Variants in MAP3K8 observed in about 807,000 individuals in gnomAD.
MAP3K8 encodes Ewing sarcoma transformant.
In MAP3K8, 22 loss-of-function variants were observed where a neutral mutation model predicts 45.8. The observed-to-expected ratio is 0.48, with a 90% CI of 0.34 to 0.69. MAP3K8 has a LOEUF of 0.69. Ranked by LOEUF, MAP3K8 falls within the 30% of genes least tolerant of loss-of-function variation. MAP3K8 has a pLI of 0.01. For missense variants in MAP3K8, 419 were observed against 585.0 expected (o/e 0.72, Z 2.93); for synonymous variants, 223 against 214.3 (o/e 1.04, Z -0.36).
intron 6 of MAP3K8, among the ~76,000 whole-genome samples, chr10:30,453,352 C>T (rs1189716094): frequency 1.3e-5 from 2 of 152,102 alleles, no homozygotes; most frequent in African/African-American, 4.8e-5. Flanking sequence ...AAAGGCCTCT[C>T]TTTGAGCCTA....
chr10:30,457,854 C>T (rs541063448), intron 6 of MAP3K8, among the ~76,000 whole-genome samples: 8 of 152,246 alleles, frequency 5.3e-5, no homozygotes, highest in South Asian at 2.1e-4. Flanking sequence ...TTTTGAACTC[C>T]TGATCCGCCC....
rs1836112405 is a variant in MAP3K8 at position 30,441,611 on chromosome 10, T to C, written c.336+2337T>C. Among the ~76,000 whole-genome samples, 3 of 152,142 alleles carry C rather than the reference T, an allele frequency of 2.0e-5. No homozygotes were observed. The South Asian group carries it at 6.2e-4, about 32-fold the overall frequency. ...ATAAGAGGAGGACCTTAAAATCTAT[T>C]GGATCTTAGATATGGCCTCGCTAGG... On this transcript the variant is annotated intron_variant, in intron 3 of 8. Transcript: ENST00000263056.
At chr10:30,436,441 A>C (rs949816882) in intron 1 of MAP3K8, among the ~76,000 whole-genome samples, 2 of 151,122 alleles carry the variant, frequency 1.3e-5, no homozygotes, top group African/African-American at 4.9e-5. Context: ...AGCGTCAGAC[A>C]CTCCTCCACC....
At chr10:30,437,084 C>G in intron 1 of MAP3K8, 92 bp from the exon 2 acceptor site, 1 of 695,376 alleles carries the variant, frequency 1.4e-6, no homozygotes, top group Non-Finnish European at 1.8e-6. Context: ...GAAGCTGCCC[C>G]CTCACTCTAG....
intron 3 of MAP3K8, among the ~76,000 whole-genome samples, chr10:30,440,811 A>T (rs8176974): frequency 0.022 from 3,310 of 152,246 alleles, 121 homozygotes; most frequent in African/African-American, 0.074. Flanking sequence ...AATTTTTTTT[A>T]AAATCCTGCT....
At chr10:30,439,542 G>C in intron 3 of MAP3K8, 1 of 682,040 alleles carries the variant, frequency 1.5e-6, no homozygotes, top group Non-Finnish European at 2.4e-6. Context: ...GGGTGCAGGG[G>C]CTCACGCCTG....
intron 3 of MAP3K8, 148 bp downstream of exon 3, chr10:30,439,422 G>T: frequency 6.0e-6 from 8 of 1,340,644 alleles, no homozygotes; most frequent in African/African-American, 2.9e-5. Context: ...GTACTTCCAT[G>T]TTAAAGATGC....
intron 6 of MAP3K8, among the ~76,000 whole-genome samples, chr10:30,452,867 G>T (rs1184258606): frequency 1.3e-5 from 2 of 150,318 alleles, no homozygotes; most frequent in African/African-American, 4.9e-5. Flanking sequence ...CAGTAGAGAT[G>T]CAGGTTTCAC....
intron 6 of MAP3K8, among the ~76,000 whole-genome samples, chr10:30,454,629 C>G (rs1322452769): frequency 6.6e-6 from 1 of 151,782 alleles, no homozygotes; most frequent in Non-Finnish European, 1.5e-5. Flanking sequence ...CCAGCACTCT[C>G]CCGGGCAGCA....
At chr10:30,457,370 A>C (rs1836773063) in intron 6 of MAP3K8, among the ~76,000 whole-genome samples, 1 of 152,206 alleles carries the variant, frequency 6.6e-6, no homozygotes, top group Non-Finnish European at 1.5e-5. Context: ...TTTATTTTTT[A>C]AGTTTTTCCC....
intron 6 of MAP3K8, among the ~76,000 whole-genome samples, chr10:30,453,820 C>T (rs1836632716): frequency 6.7e-6 from 1 of 150,202 alleles, no homozygotes; most frequent in Non-Finnish European, 1.5e-5. Context: ...TTTGCTTGAG[C>T]CTGGGGGTTC....
At chr10:30,447,360 T>C (rs1385766330) in intron 3 of MAP3K8, among the ~76,000 whole-genome samples, 1 of 152,224 alleles carries the variant, frequency 6.6e-6, no homozygotes, top group Non-Finnish European at 1.5e-5. Flanking sequence ...GTTCTTTCTC[T>C]GTATGCGTCA....
intron 4 of MAP3K8, among the ~76,000 whole-genome samples, chr10:30,448,414 T>TTTTTTATTATTATTATTATTATTA (rs34801475): frequency 5.6e-4 from 76 of 136,444 alleles, no homozygotes; most frequent in East Asian, 4.8e-3. Flanking sequence ...CTATCCCAAA[T>TTTTTTATTATTATTATTATTATTA]TTATTATTAT....
chr10:30,459,918 C>T (rs1222365474), intron 8 of MAP3K8, among the ~76,000 whole-genome samples: 1 of 151,996 alleles, frequency 6.6e-6, no homozygotes, highest in Non-Finnish European at 1.5e-5. Context: ...TCTTGGGTCA[C>T]TGCAACCTCT....
At chr10:30,451,804 T>C (rs1471246335) in intron 6 of MAP3K8, 60 bp downstream of exon 6, 27 of 941,582 alleles carry the variant, frequency 2.9e-5, no homozygotes, top group Non-Finnish European at 4.2e-5. Flanking sequence ...GAAAAAATGT[T>C]CTAGAATTAT....
intron 3 of MAP3K8, among the ~76,000 whole-genome samples, chr10:30,441,066 A>C (rs1394714843): frequency 6.6e-6 from 1 of 152,230 alleles, no homozygotes; most frequent in Non-Finnish European, 1.5e-5. Flanking sequence ...ATGAGGATAA[A>C]ATTGTATCAG....
chr10:30,450,645 G>A (rs537840755), intron 5 of MAP3K8, 126 bp downstream of exon 5: 193 of 745,920 alleles, frequency 2.6e-4, no homozygotes, highest in Non-Finnish European at 4.1e-4. Flanking sequence ...AGCACCGTCC[G>A]TCTTCCTTCT....
rs1836545579 is a variant in MAP3K8, at chr10:30,451,708, AGATGTCTATTTTCCTAAGGACCTCC to A, written c.840_864del (p.Asp280GlufsTer7). ...TTGGCCTAAGTGTTCAAATGACCGA[AGATGTCTATTTTCCTAAGGACCTCC>A]GAGGAACAGAGGTAATTATGTTCAC... On this transcript the variant is annotated frameshift_variant, in exon 6 of 9. Transcript: ENST00000263056. LOFTEE classifies it high-confidence loss of function. The A allele has an allele frequency of 6.3e-7, 1 of 1,595,004 alleles. No homozygotes were observed. The highest frequency in any genetic ancestry group is 8.6e-7 in the Non-Finnish European group (1 of 1,168,574).
chr10:30,455,270 T>G (rs761720425), intron 6 of MAP3K8, among the ~76,000 whole-genome samples: 3 of 152,222 alleles, frequency 2.0e-5, no homozygotes, highest in Non-Finnish European at 4.4e-5. Context: ...CAGTGAAACC[T>G]TTCAACAAGC....
Sources: gnomAD v4.1 joint callset for allele counts (sites outside exome capture counted in the v4.1 genomes callset) on GRCh38, gnomAD v4.1.1 for gene constraint, MANE v1.5 for transcripts, NCBI Gene and HGNC (gene_info 2026-07-23, HGNC 2026-07-21) for gene names.